Variants in FOXN2 observed in about 807,000 individuals in gnomAD.
FOXN2 encodes the protein forkhead box N2.
Under a neutral mutation model 41.2 loss-of-function variants are expected in FOXN2, and 19 were observed. That is an observed-to-expected ratio of 0.46 (90% CI 0.32 to 0.68). The LOEUF (loss-of-function observed/expected upper bound fraction) is 0.68, where lower values mean the gene tolerates loss of function less well. Among genes scored for constraint, FOXN2 ranks in the 30% least tolerant of loss-of-function variants. The pLI, the probability that FOXN2 is intolerant of heterozygous loss-of-function variation, is 0.03. For synonymous variants in FOXN2, 195 were observed against 176.8 expected (o/e 1.10, Z -0.82); for missense variants, 587 against 509.4 (o/e 1.15, Z -1.47).
intron 1 of FOXN2, among the ~76,000 whole-genome samples, chr2:48,321,329 A>T (rs972363008): frequency 6.6e-6 from 1 of 152,096 alleles, no homozygotes; most frequent in Non-Finnish European, 1.5e-5. Context: ...AGGTCAGGAG[A>T]TCGAGACCGT....
chr2:48,356,314 A>G (rs1671791104), intron 3 of FOXN2, among the ~76,000 whole-genome samples: 1 of 151,568 alleles, frequency 6.6e-6, no homozygotes, highest in Non-Finnish European at 1.5e-5. Context: ...GGTGGTGCAC[A>G]CCTGTAATCC....
chr2:48,363,447 T>C (rs1672331188), intron 5 of FOXN2, among the ~76,000 whole-genome samples: 1 of 152,044 alleles, frequency 6.6e-6, no homozygotes. Flanking sequence ...AAGAAAAAAT[T>C]AAAAAATCAA....
intron 1 of FOXN2, among the ~76,000 whole-genome samples, chr2:48,315,283 C>G (rs1668829869): frequency 6.6e-6 from 1 of 152,178 alleles, no homozygotes. Context: ...TGGAGCGAGA[C>G]ATGTCGGGCT....
intron 6 of FOXN2, 114 bp from the exon 7 acceptor site, chr2:48,374,806 A>C (rs751036391): frequency 1.2e-6 from 1 of 861,952 alleles, no homozygotes. Context: ...AAAATCTACA[A>C]AGCATCATGA....
chr2:48,338,414 G>C (rs1047210874), intron 2 of FOXN2, among the ~76,000 whole-genome samples: 1 of 147,820 alleles, frequency 6.8e-6, no homozygotes, highest in African/African-American at 2.5e-5. Context: ...TTTTTTTTGA[G>C]ACGGAATCTC....
intron 1 of FOXN2, among the ~76,000 whole-genome samples, chr2:48,324,621 A>C (rs1229590451): frequency 6.6e-6 from 1 of 152,208 alleles, no homozygotes. Context: ...TCAAATTGGC[A>C]GCAAGTTAGA....
intron 3 of FOXN2, among the ~76,000 whole-genome samples, chr2:48,350,940 C>T (rs1671407317): frequency 6.6e-6 from 1 of 152,158 alleles, no homozygotes; most frequent in Non-Finnish European, 1.5e-5. Context: ...CATCTCACCT[C>T]ACAGGATGGA....
chr2:48,359,590 G>A (rs530823347), intron 4 of FOXN2, among the ~76,000 whole-genome samples: 8 of 151,476 alleles, frequency 5.3e-5, no homozygotes, highest in Non-Finnish European at 8.8e-5. Flanking sequence ...CACCATCCTC[G>A]GCCTGTTTTT....
At chr2:48,355,752 A>G (rs1160823799) in intron 3 of FOXN2, among the ~76,000 whole-genome samples, 1 of 152,212 alleles carries the variant, frequency 6.6e-6, no homozygotes, top group East Asian at 1.9e-4. Flanking sequence ...GGCAAGGTCT[A>G]GATCAAACTA....
At chr2:48,356,037 A>G (rs1479369131) in intron 3 of FOXN2, among the ~76,000 whole-genome samples, 2 of 152,154 alleles carry the variant, frequency 1.3e-5, no homozygotes, top group African/African-American at 2.4e-5. Context: ...AGACACGACA[A>G]TCACTTGAAC....
At chr2:48,315,922 T>G (rs566369292) in intron 1 of FOXN2, among the ~76,000 whole-genome samples, 38 of 152,320 alleles carry the variant, frequency 2.5e-4, no homozygotes, top group African/African-American at 8.9e-4. Context: ...ACCACAGACT[T>G]TCTTTCTCCT....
At chr2:48,322,766 ATAAT>A (rs1669417337) in intron 1 of FOXN2, among the ~76,000 whole-genome samples, 1 of 148,570 alleles carries the variant, frequency 6.7e-6, no homozygotes, top group South Asian at 2.1e-4. Context: ...TTTGATATAT[ATAAT>A]ACAATATATA....
chr2:48,339,699 A>G (rs1004879022), intron 2 of FOXN2, among the ~76,000 whole-genome samples: 2 of 152,210 alleles, frequency 1.3e-5, no homozygotes, highest in Non-Finnish European at 2.9e-5. Context: ...TTTGGTAAGC[A>G]GTTTGTCATC....
intron 5 of FOXN2, among the ~76,000 whole-genome samples, chr2:48,371,575 TTCTTTTGCCTATTTGGGG>T (rs1282578012): frequency 6.6e-6 from 1 of 152,182 alleles, no homozygotes; most frequent in Non-Finnish European, 1.5e-5. Flanking sequence ...TTGCTCAAGA[TTCTTTTGCCTATTTGGGG>T]TCTTTTGTAG....
intron 2 of FOXN2, among the ~76,000 whole-genome samples, chr2:48,331,720 G>C (rs1309689738): frequency 6.6e-6 from 1 of 151,916 alleles, no homozygotes; most frequent in Non-Finnish European, 1.5e-5. Context: ...AGGGAGCTGA[G>C]GTAGGAGGAT....
intron 1 of FOXN2, among the ~76,000 whole-genome samples, chr2:48,315,755 A>G (rs1269697556): frequency 6.6e-6 from 1 of 151,724 alleles, no homozygotes; most frequent in Non-Finnish European, 1.5e-5. Flanking sequence ...CTCTTTTTCC[A>G]CTGCATCTCT....
chr2:48,320,403 G>T (rs1265154761), intron 1 of FOXN2, among the ~76,000 whole-genome samples: 1 of 151,744 alleles, frequency 6.6e-6, no homozygotes, highest in Non-Finnish European at 1.5e-5. Flanking sequence ...CAGTTCTCCA[G>T]CCTCAGCCTC....
intron 3 of FOXN2, among the ~76,000 whole-genome samples, chr2:48,347,654 T>C (rs1453924744): frequency 6.6e-6 from 1 of 152,170 alleles, no homozygotes; most frequent in East Asian, 1.9e-4. Context: ...AATTTATCAT[T>C]GGTCCACCTT....
intron 1 of FOXN2, among the ~76,000 whole-genome samples, chr2:48,322,146 C>T (rs1250615444): frequency 6.6e-6 from 1 of 152,164 alleles, no homozygotes; most frequent in East Asian, 1.9e-4. Context: ...TGGGGTTTCA[C>T]CGTGTTGGCC....
Sources: allele counts gnomAD v4.1 joint callset (sites outside exome capture counted in the v4.1 genomes callset), GRCh38; gene constraint gnomAD v4.1.1; transcripts MANE v1.5; gene names NCBI Gene and HGNC (gene_info 2026-07-23, HGNC 2026-07-21).